Variants in CCKAR observed in about 807,000 individuals in gnomAD.
CCKAR encodes cholecystokinin A receptor, also known as cholecystokinin receptor type A.
In CCKAR, 21 loss-of-function variants were observed where a neutral mutation model predicts 29.8. The observed-to-expected ratio is 0.70, with a 90% CI of 0.50 to 1.01. CCKAR has a LOEUF of 1.01. Among genes scored for constraint, CCKAR ranks in the 50% least tolerant of loss-of-function variants. The probability of loss-of-function intolerance (pLI) is 0.00; values close to 1 mark genes in which losing one functional copy is unlikely to be tolerated. For missense variants in CCKAR, 570 were observed against 560.6 expected, an observed-to-expected ratio of 1.02 and a Z score of -0.17; for synonymous variants, 238 against 221.3, an observed-to-expected ratio of 1.08 and a Z score of -0.67.
At chr4:26,484,413 T>C (rs1737406710) in intron 3 of CCKAR, among the ~76,000 whole-genome samples, 1 of 152,226 alleles carries the variant, frequency 6.6e-6, no homozygotes, top group Admixed American at 6.5e-5. Context: ...TTCTAAAACA[T>C]CCCTGCAATT....
At chr4:26,488,500 C>T (rs570302233) in intron 2 of CCKAR, among the ~76,000 whole-genome samples, 7 of 152,248 alleles carry the variant, frequency 4.6e-5, no homozygotes, top group South Asian at 2.1e-4. Context: ...TGCATAAAAG[C>T]GCTAAAAAAA....
rs963980643 is a variant in CCKAR at position 26,490,412 on chromosome 4, A to G, written c.-145T>C. The G allele has an allele frequency of 6.5e-6, 4 of 614,992 alleles. No individual in the cohort carries two copies. The highest frequency in any genetic ancestry group is 5.2e-5 in the Admixed American group (2 of 38,598). 38.1% of individuals were successfully genotyped at this position (614,992 alleles called of 1,614,324 possible). ...GTGATTTCCAGGTGTGGGCTTTTTCAGCCATTCCTAAAGGCGACTTGAGTT... is the reference window on the plus strand; with the variant it reads ...GTGATTTCCAGGTGTGGGCTTTTTCGGCCATTCCTAAAGGCGACTTGAGTT... On this transcript the variant is annotated 5_prime_UTR_variant, in exon 1 of 5. Coordinates refer to ENST00000295589, the MANE Select transcript of CCKAR (RefSeq NM_000730.3).
At chr4:26,485,407 A>G (rs1300887945) in intron 3 of CCKAR, among the ~76,000 whole-genome samples, 1 of 152,050 alleles carries the variant, frequency 6.6e-6, no homozygotes, top group Non-Finnish European at 1.5e-5. Context: ...TACCTATCTT[A>G]GAGTGTTTTC....
chr4:26,489,697 A>C (rs1455341770), intron 1 of CCKAR, among the ~76,000 whole-genome samples: 1 of 152,256 alleles, frequency 6.6e-6, no homozygotes, highest in Non-Finnish European at 1.5e-5. Flanking sequence ...TTGTTAAAGG[A>C]TCACTCAGGG....
chr4:26,483,049 A>G, intron 4 of CCKAR, 107 bp downstream of exon 4: 1 of 1,148,004 alleles, frequency 8.7e-7, no homozygotes, highest in Admixed American at 2.4e-5. Flanking sequence ...GAATACTTAA[A>G]AGCTTTTCCA....
rs1354973562 is a variant in CCKAR at position 26,485,827 on chromosome 4, G to T, written c.436C>A (p.Pro146Thr). The change falls in exon 3 of 5, where the codon CCC (proline) becomes ACC (threonine). Residue 146 changes from proline to threonine, a missense_variant. Coordinates refer to ENST00000295589, the MANE Select transcript of CCKAR (RefSeq NM_000730.3). ...SLERYGAICKPLQSRVWQTKS... is the reference protein window; with the variant it reads ...SLERYGAICKTLQSRVWQTKS... ...GTCTGCCAGACCCGGGACTGTAAGGGTTTGCAAATCGCACCATATCTCTCT... is the reference window on the plus strand; with the variant it reads ...GTCTGCCAGACCCGGGACTGTAAGGTTTTGCAAATCGCACCATATCTCTCT... 1.2e-6 allele frequency: 2 copies of T among 1,613,932 alleles called. No individual in the cohort carries two copies. Among genetic ancestry groups the T allele is most frequent in the Non-Finnish European group, 1.7e-6 (2 of 1,179,908 alleles).
chr4:26,482,742 A>G (rs1737375193), intron 4 of CCKAR, among the ~76,000 whole-genome samples: 1 of 152,158 alleles, frequency 6.6e-6, no homozygotes, highest in Non-Finnish European at 1.5e-5. Context: ...AGGAGAGAGG[A>G]TGAGGAGGAG....
At chr4:26,486,836 T>C (rs931479563) in intron 2 of CCKAR, among the ~76,000 whole-genome samples, 1 of 152,018 alleles carries the variant, frequency 6.6e-6, no homozygotes, top group African/African-American at 2.4e-5. Context: ...ATCGCTGGAA[T>C]CTGGGAGGCC....
chr4:26,485,714 C>T lies in CCKAR; in HGVS notation c.549G>A (p.Val183=), dbSNP rs997044436. Reference sequence around the variant, plus strand: ...TCTGGTTGTTATTTTTGGTAAAAGGCACCAAGTTGCTATAAATGGGGTACG... The same window carrying T: ...TCTGGTTGTTATTTTTGGTAAAAGGTACCAAGTTGCTATAAATGGGGTACG... The part of the protein sequence containing the change: ...MTPYPIYSNL[V]PFTKNNNQTA... The change falls in exon 3 of 5, where the codon GTG becomes GTA. Residue 183 remains valine (V), a synonymous_variant. Coordinates refer to ENST00000295589, the MANE Select transcript of CCKAR (RefSeq NM_000730.3). 6.2e-7 allele frequency: 1 copy of T among 1,613,978 alleles called. No homozygotes were observed. The highest frequency in any genetic ancestry group is 1.3e-5 in the African/African-American group (1 of 74,880).
Position 26,481,523 on chromosome 4 carries a change from G to T in CCKAR, c.*115C>A. 1 of 1,140,020 alleles carries T rather than the reference G, an allele frequency of 8.8e-7. No individual in the cohort carries two copies. The allele number at this position is 1,140,020 out of a possible 1,614,324, so 70.6% of individuals were successfully genotyped here. A position where few individuals can be genotyped will look rare whatever the true frequency, so the allele number is the denominator to read the frequency against. ...CAGACCTTGAAGAGTTCCCACTGGA[G>T]ATGGAGCCTTCCTTCTCCATCAGCT... On this transcript the variant is annotated 3_prime_UTR_variant, in exon 5 of 5. Coordinates refer to ENST00000295589, the MANE Select transcript of CCKAR (RefSeq NM_000730.3).
Position 26,488,878 on chromosome 4 carries a change from C to T in CCKAR, c.364+355G>A, listed in dbSNP as rs111392599. Among the ~76,000 whole-genome samples, 141 of 152,282 alleles carry T rather than the reference C, an allele frequency of 9.3e-4. 1 individual carries two copies. Among genetic ancestry groups the T allele is most frequent in the Non-Finnish European group, 1.9e-3 (127 of 68,018 alleles). ...AGATCAGGACACAGTCAACAGCTTC[C>T]AGAAAGGGATAGAGCAGCTTAAAGT... On this transcript the variant is annotated intron_variant, in intron 2 of 4. Transcript: ENST00000295589.
At position 26,485,717 on chromosome 4, in the gene CCKAR, C is replaced by T. The variant is rs150152252; in HGVS notation, c.546G>A (p.Leu182=). Reference sequence around the variant, plus strand: ...GGTTGTTATTTTTGGTAAAAGGCACCAAGTTGCTATAAATGGGGTACGGAG... The same window carrying T: ...GGTTGTTATTTTTGGTAAAAGGCACTAAGTTGCTATAAATGGGGTACGGAG... ...IMTPYPIYSN[L]VPFTKNNNQT... is the part of the protein sequence containing the mutation. The change falls in exon 3 of 5, where the codon TTG becomes TTA. Residue 182 remains leucine, a synonymous_variant. Coordinates refer to ENST00000295589, the MANE Select transcript of CCKAR (RefSeq NM_000730.3). The T allele has an allele frequency of 1.4e-4, 224 of 1,613,964 alleles. No homozygotes were observed. The highest frequency in any genetic ancestry group is 1.8e-4 in the Non-Finnish European group (215 of 1,180,014).
intron 4 of CCKAR, 145 bp from the exon 5 acceptor site, chr4:26,482,315 T>A (rs1737367424): frequency 4.4e-6 from 3 of 678,052 alleles, no homozygotes; most frequent in Non-Finnish European, 7.6e-6. Flanking sequence ...CTGATATGGG[T>A]AAGCATTGAT....
intron 1 of CCKAR, 89 bp from the exon 2 acceptor site, chr4:26,489,573 T>A: frequency 3.3e-6 from 5 of 1,495,546 alleles, no homozygotes; most frequent in Non-Finnish European, 3.6e-6. Context: ...TCCTGCCGAT[T>A]TTCCCCCCAC....
intron 3 of CCKAR, among the ~76,000 whole-genome samples, chr4:26,484,181 C>T (rs945976245): frequency 3.9e-5 from 6 of 152,176 alleles, no homozygotes; most frequent in African/African-American, 1.2e-4. Flanking sequence ...TGAGGTTACA[C>T]GATTAGGCCA....
At position 26,482,094 on chromosome 4, in the gene CCKAR, C is replaced by T. The variant is rs769100412; in HGVS notation, c.831G>A (p.Pro277=). The part of the protein sequence containing the change: ...DGCYLQKTRP[P]RKLELRQLST... ...ACAGCTGCCGGAGCTCCAGCTTCCT[C>T]GGGGGCCTGGTCTTTTGCAGGTAAC... Residue 277 remains proline (P), a synonymous_variant, in exon 5 of 5, where the codon CCG becomes CCA. Coordinates refer to ENST00000295589, the MANE Select transcript of CCKAR (RefSeq NM_000730.3). 1.2e-6 allele frequency: 2 copies of T among 1,614,076 alleles called. No individual in the cohort carries two copies. Among genetic ancestry groups the T allele is most frequent in the South Asian group, 2.2e-5 (2 of 91,086 alleles).
At chr4:26,489,148 G>T in intron 2 of CCKAR, 85 bp downstream of exon 2, 1 of 1,545,608 alleles carries the variant, frequency 6.5e-7, no homozygotes. Flanking sequence ...GGGCTCCTTT[G>T]CTGTGATTGT....
chr4:26,481,877 T>C lies in CCKAR; in HGVS notation c.1048A>G (p.Thr350Ala). The stretch of plus-strand genomic sequence containing the variant: ...AGGAGGAGGATGAAGGAAATGGGGG[T>C]TCCTGAGAGGCGGCGCTCTGCGGAG... ...TASAERRLSG[T>A]PISFILLLSY... Residue 350 changes from threonine (T) to alanine (A), a missense_variant, in exon 5 of 5, where the codon ACC becomes GCC. Transcript: ENST00000295589. 1.2e-6 allele frequency: 2 copies of C among 1,614,108 alleles called. No homozygotes were observed. Among genetic ancestry groups the C allele is most frequent in the Non-Finnish European group, 1.7e-6 (2 of 1,179,998 alleles).
At chr4:26,482,971 C>T (rs752266007) in intron 4 of CCKAR, among the ~76,000 whole-genome samples, 185 bp downstream of exon 4, 25 of 152,178 alleles carry the variant, frequency 1.6e-4, no homozygotes, top group Non-Finnish European at 3.5e-4. Flanking sequence ...GAATGATTTC[C>T]CCATTTTACA....
Sources: allele counts gnomAD v4.1 joint callset (sites outside exome capture counted in the v4.1 genomes callset), GRCh38; gene constraint gnomAD v4.1.1; transcripts MANE v1.5; gene names NCBI Gene and HGNC (gene_info 2026-07-23, HGNC 2026-07-21).